DCAF7: variants seen among roughly 807,000 people sequenced by gnomAD.
DCAF7 encodes DDB1- and CUL4-associated factor 7.
A neutral mutation model predicts 41.2 loss-of-function variants in DCAF7; 4 were observed. The ratio of observed to expected loss-of-function variants is 0.10; its 90% confidence interval spans 0.05 to 0.22. The LOEUF is 0.22. Ranked by LOEUF, DCAF7 falls within the 10% of genes least tolerant of loss-of-function variation. DCAF7 has a pLI of 1.00. For synonymous variants in DCAF7, 143 were observed against 164.2 expected, an observed-to-expected ratio of 0.87 and a Z score of 0.99; for missense variants, 131 against 443.2, an observed-to-expected ratio of 0.30 and a Z score of 6.32.
chr17:63,581,450 A>G (rs535969954), intron 4 of DCAF7, among the ~76,000 whole-genome samples: 1 of 152,358 alleles, frequency 6.6e-6, no homozygotes, highest in African/African-American at 2.4e-5. Flanking sequence ...CAGAGGGACC[A>G]TGGGAGGAGG....
chr17:63,554,040 C>A, intron 1 of DCAF7, among the ~76,000 whole-genome samples: 1 of 152,098 alleles, frequency 6.6e-6, no homozygotes, highest in Non-Finnish European at 1.5e-5. Flanking sequence ...CCTGACTCTA[C>A]AAAAACATTA....
chr17:63,550,828 G>C lies in DCAF7; in HGVS notation c.138+13G>C, dbSNP rs2033241550. ...GTACAACAACAAGGTGGGCCGGGCA[G>C]GGGCTCGGAACCCAGCTGGCGGGGA... is the stretch of plus-strand genomic sequence containing the variant. On this transcript the variant is annotated intron_variant, in intron 1 of 6. Coordinates refer to ENST00000614556, the MANE Select transcript of DCAF7 (RefSeq NM_005828.5). The surrounding 1 kb of genome is among the most constrained non-coding windows in gnomAD (Gnocchi z 4.8). 1 of 1,611,684 alleles carries C rather than the reference G, an allele frequency of 6.2e-7. No individual in the cohort carries two copies. Among genetic ancestry groups the C allele is most frequent in the African/African-American group, 1.3e-5 (1 of 74,918 alleles).
At chr17:63,579,030 A>T (rs2147774211) in intron 2 of DCAF7, among the ~76,000 whole-genome samples, 1 of 152,354 alleles carries the variant, frequency 6.6e-6, no homozygotes, top group Admixed American at 6.5e-5. Context: ...GCTCATCAGC[A>T]GCAGCGTCCT....
chr17:63,583,120 A>C (rs901296618), intron 4 of DCAF7, among the ~76,000 whole-genome samples: 7 of 152,180 alleles, frequency 4.6e-5, no homozygotes, highest in African/African-American at 1.7e-4. Flanking sequence ...GGCCTTAATG[A>C]GCTCGTAGAC....
chr17:63,588,528 A>G (rs1040955014), intron 6 of DCAF7, among the ~76,000 whole-genome samples: 2 of 148,668 alleles, frequency 1.3e-5, no homozygotes, highest in African/African-American at 5.2e-5. Flanking sequence ...ACATATCAGC[A>G]CTACTTTATC....
intron 6 of DCAF7, among the ~76,000 whole-genome samples, chr17:63,587,958 C>G (rs972761899): frequency 3.0e-4 from 44 of 144,970 alleles, no homozygotes; most frequent in African/African-American, 1.1e-3. Flanking sequence ...TGCACTCAAG[C>G]CTGGGCAACA....
chr17:63,579,901 G>A lies in DCAF7; in HGVS notation c.486G>A (p.Val162=). The change falls in exon 4 of 7, where the codon GTG becomes GTA. Residue 162 remains valine, a synonymous_variant. Coordinates refer to ENST00000614556, the MANE Select transcript of DCAF7 (RefSeq NM_005828.5). ...TGQVLGRVNL[V]SGHVKTQLIA... is the part of the protein sequence containing the mutation. ...AGGTGTTAGGGCGAGTGAATCTCGT[G>A]TCTGGCCACGTGAAGACCCAGCTGA... The A allele has an allele frequency of 1.2e-6, 2 of 1,613,914 alleles. No individual in the cohort carries two copies. The highest frequency in any genetic ancestry group is 1.7e-6 in the Non-Finnish European group (2 of 1,179,838).
chr17:63,584,199 C>A (rs2033653404), intron 5 of DCAF7, among the ~76,000 whole-genome samples: 2 of 152,168 alleles, frequency 1.3e-5, no homozygotes, highest in Admixed American at 6.5e-5. Context: ...GCCGGGCGCT[C>A]TGGGTCACGC....
chr17:63,555,519 G>A (rs191728950), intron 1 of DCAF7, among the ~76,000 whole-genome samples: 80 of 152,186 alleles, frequency 5.3e-4, no homozygotes, highest in African/African-American at 1.9e-3. Flanking sequence ...TGGTATTTGC[G>A]GTAGCCCTTC....
At position 63,550,623 on chromosome 17, in the gene DCAF7, C is replaced by T; in HGVS notation, c.-55C>T. ...GACCCATAGATCTCAGGCTCGGCTC[C>T]CCGCCCGCCGCAGCCCACTGTTGAC... On this transcript the variant is annotated 5_prime_UTR_variant, in exon 1 of 7. Transcript: ENST00000614556. This position sits in a 1 kb window ranked among gnomAD's most constrained non-coding sequence, Gnocchi z 4.8. 2 of 1,597,446 alleles carry T rather than the reference C, an allele frequency of 1.3e-6. No individual in the cohort carries two copies. The highest frequency in any genetic ancestry group is 1.1e-5 in the South Asian group (1 of 90,738).
intron 1 of DCAF7, among the ~76,000 whole-genome samples, chr17:63,559,371 A>ATATACATATATATATACGTATATATATG (rs2033349050): frequency 2.5e-5 from 2 of 79,766 alleles, no homozygotes; most frequent in Non-Finnish European, 4.9e-5. Flanking sequence ...ATGTATATAT[A>ATATACATATATATATACGTATATATATG]TATGTGTATA....
chr17:63,589,456 G>A lies in DCAF7; in HGVS notation c.*284G>A, dbSNP rs2033712124. On this transcript the variant is annotated 3_prime_UTR_variant, in exon 7 of 7. Transcript: ENST00000614556. ...TCAATTAAAAAATGTGTGTATATTTGTTTGTCAGGCGTTGTGTTGAGGAGC... is the reference window on the plus strand; with the variant it reads ...TCAATTAAAAAATGTGTGTATATTTATTTGTCAGGCGTTGTGTTGAGGAGC... 2.2e-6 allele frequency: 1 copy of A among 445,490 alleles called. No homozygotes were observed. The highest frequency in any genetic ancestry group is 4.2e-6 in the Non-Finnish European group (1 of 236,808). The allele number at this position is 445,490 out of a possible 1,614,324, so 27.6% of individuals were successfully genotyped here.
intron 1 of DCAF7, among the ~76,000 whole-genome samples, chr17:63,561,982 G>A (rs73332082): frequency 0.019 from 2,689 of 141,802 alleles, 69 homozygotes; most frequent in African/African-American, 0.064. Flanking sequence ...TGTCTCCAGA[G>A]TGTTCAGAAT....
chr17:63,591,818 G>T lies in DCAF7; in HGVS notation c.*2646G>T, dbSNP rs1365726019. On this transcript the variant is annotated 3_prime_UTR_variant, in exon 7 of 7. Coordinates refer to ENST00000614556, the MANE Select transcript of DCAF7 (RefSeq NM_005828.5). ...TGACTGCGGGAGGAGCAGCCACTAG[G>T]ACTTTAGCAGGAAGCCCACATGGAG... The T allele has an allele frequency of 6.6e-6, 1 of 152,274 alleles. No individual in the cohort carries two copies. The highest frequency in any genetic ancestry group is 1.5e-5 in the Non-Finnish European group (1 of 68,072). The allele number at this position is 152,274 out of a possible 1,614,324, so 9.4% of individuals were successfully genotyped here.
At chr17:63,581,900 T>C (rs751237152) in intron 4 of DCAF7, among the ~76,000 whole-genome samples, 1 of 152,166 alleles carries the variant, frequency 6.6e-6, no homozygotes, top group Admixed American at 6.5e-5. Flanking sequence ...GGGTTTAGTG[T>C]ACTTGGGAGT....
At chr17:63,557,034 CA>C (rs2033319004) in intron 1 of DCAF7, among the ~76,000 whole-genome samples, 1 of 151,544 alleles carries the variant, frequency 6.6e-6, no homozygotes, top group Non-Finnish European at 1.5e-5. Flanking sequence ...ATCTCAAAAC[CA>C]AAAAAACAAA....
chr17:63,586,038 G>A (rs1383104483), intron 6 of DCAF7, among the ~76,000 whole-genome samples: 11 of 146,790 alleles, frequency 7.5e-5, no homozygotes. Flanking sequence ...GGCAGGAGAA[G>A]CACTTCAACC....
At chr17:63,585,674 G>A (rs1237224411) in intron 6 of DCAF7, among the ~76,000 whole-genome samples, 1 of 152,184 alleles carries the variant, frequency 6.6e-6, no homozygotes, top group South Asian at 2.1e-4. Flanking sequence ...GAATCTTTGG[G>A]ACTGTGAAGA....
chr17:63,585,749 C>T (rs899431066), intron 6 of DCAF7, among the ~76,000 whole-genome samples: 1 of 152,164 alleles, frequency 6.6e-6, no homozygotes, highest in Non-Finnish European at 1.5e-5. Context: ...CTGGATGCAT[C>T]GGAGGGCCCC....
Sources: gnomAD v4.1 joint callset for allele counts (sites outside exome capture counted in the v4.1 genomes callset) on GRCh38, gnomAD v4.1.1 for gene constraint, Gnocchi (gnomAD v3.1) non-coding constraint, MANE v1.5 for transcripts, NCBI Gene and HGNC (gene_info 2026-07-23, HGNC 2026-07-21) for gene names.